GABRB2: variants seen among roughly 807,000 people sequenced by gnomAD.
The protein encoded by GABRB2 is gamma-aminobutyric acid type A receptor subunit beta2.
In GABRB2, 16 loss-of-function variants were observed where a neutral mutation model predicts 54.7. The observed-to-expected ratio is 0.29, with a 90% CI of 0.20 to 0.44. GABRB2 has a LOEUF of 0.44. Ranked by LOEUF, GABRB2 falls within the 20% of genes least tolerant of loss-of-function variation. The pLI is 1.00. For synonymous variants in GABRB2, 244 were observed against 233.8 expected, an observed-to-expected ratio of 1.04 and a Z score of -0.40; for missense variants, 355 against 644.0, an observed-to-expected ratio of 0.55 and a Z score of 4.86.
At chr5:161,351,833 A>C (rs1316762467) in intron 5 of GABRB2, among the ~76,000 whole-genome samples, 1 of 152,120 alleles carries the variant, frequency 6.6e-6, no homozygotes, top group African/African-American at 2.4e-5. Flanking sequence ...AAAATATATA[A>C]GGAACTCAAA....
chr5:161,465,835 A>G (rs1337648312), intron 3 of GABRB2, among the ~76,000 whole-genome samples: 2 of 152,148 alleles, frequency 1.3e-5, no homozygotes, highest in African/African-American at 4.8e-5. Flanking sequence ...GAGTTTCTGC[A>G]TAGTTTTTAC....
intron 5 of GABRB2, among the ~76,000 whole-genome samples, chr5:161,392,239 C>T (rs1223606459): frequency 6.6e-6 from 1 of 152,142 alleles, no homozygotes; most frequent in African/African-American, 2.4e-5. Context: ...AAGCTCATTT[C>T]TGTTAGGCAC....
At chr5:161,412,872 C>G (rs1393045418) in intron 4 of GABRB2, among the ~76,000 whole-genome samples, 1 of 152,160 alleles carries the variant, frequency 6.6e-6, no homozygotes, top group Admixed American at 6.5e-5. Context: ...TTCCTTCAAG[C>G]AGTCACCAAA....
chr5:161,532,450 C>T (rs773057056), intron 3 of GABRB2, among the ~76,000 whole-genome samples: 5 of 152,080 alleles, frequency 3.3e-5, no homozygotes, highest in South Asian at 4.1e-4. Flanking sequence ...ACTACCTGAA[C>T]GCCATCTCGG....
In GABRB2 at chr5:161,443,952, G is replaced by A. The variant is rs1757538827; in HGVS notation, c.458+15672C>T. 2.0e-5 allele frequency among the ~76,000 whole-genome samples: 3 copies of A among 152,102 alleles called. No individual in the cohort carries two copies. In the South Asian group the frequency reaches 6.2e-4, roughly 31 times the overall value. On this transcript the variant is annotated intron_variant, in intron 4 of 9. Transcript: ENST00000393959. ...TTAGCTAAGAAGAGCCAATTTGGGTGGGAAAAAGCATTTCTCATTATCACA... is the reference window on the plus strand; with the variant it reads ...TTAGCTAAGAAGAGCCAATTTGGGTAGGAAAAAGCATTTCTCATTATCACA...
chr5:161,372,174 A>T (rs1486186637), intron 5 of GABRB2, among the ~76,000 whole-genome samples: 1 of 152,118 alleles, frequency 6.6e-6, no homozygotes, highest in South Asian at 2.1e-4. Context: ...TTTATTTTTT[A>T]AAAAATTACT....
rs748189232 is a variant in GABRB2 at position 161,546,664 on chromosome 5, T to A, written c.-21A>T. ...CACATCCCTTTAGTTTTTGATGGAA[T>A]TGAGGGTTTCACTGAAGAGAGGAGA... is the stretch of plus-strand genomic sequence containing the variant. On this transcript the variant is annotated 5_prime_UTR_variant, in exon 1 of 10. Transcript: ENST00000393959. The A allele has an allele frequency of 3.9e-5, 61 of 1,576,254 alleles. 1 individual carries two copies. The South Asian group carries it at 6.0e-4, about 16-fold the overall frequency.
At chr5:161,532,069 T>G (rs945052546) in intron 3 of GABRB2, among the ~76,000 whole-genome samples, 7 of 152,086 alleles carry the variant, frequency 4.6e-5, no homozygotes, top group Non-Finnish European at 8.8e-5. Context: ...TAGCACATGG[T>G]AAGAGCTCAA....
intron 9 of GABRB2, among the ~76,000 whole-genome samples, chr5:161,299,005 G>A (rs1443410135): frequency 6.6e-6 from 1 of 152,122 alleles, no homozygotes; most frequent in East Asian, 1.9e-4. Flanking sequence ...GATAATCCCT[G>A]CAGCATTCCA....
At chr5:161,316,173 T>A (rs546731424) in intron 9 of GABRB2, among the ~76,000 whole-genome samples, 1 of 152,306 alleles carries the variant, frequency 6.6e-6, no homozygotes, top group Admixed American at 6.5e-5. Flanking sequence ...GATGATCACA[T>A]CCTTATTTTT....
At chr5:161,375,294 G>A (rs915283784) in intron 5 of GABRB2, among the ~76,000 whole-genome samples, 1 of 152,180 alleles carries the variant, frequency 6.6e-6, no homozygotes, top group Non-Finnish European at 1.5e-5. Context: ...ATAACAGTGA[G>A]TGTCGCTTAA....
At chr5:161,523,825 A>G (rs1276945183) in intron 3 of GABRB2, among the ~76,000 whole-genome samples, 2 of 151,462 alleles carry the variant, frequency 1.3e-5, no homozygotes, top group Admixed American at 1.3e-4. Flanking sequence ...CCTGCAGTAT[A>G]AAAGCTTCCA....
In GABRB2 at chr5:161,331,102, G is replaced by A; in HGVS notation, c.858C>T (p.Thr286=). The A allele has an allele frequency of 6.3e-7, 1 of 1,592,322 alleles. No individual in the cohort carries two copies. Among genetic ancestry groups the A allele is most frequent in the Non-Finnish European group, 8.6e-7 (1 of 1,167,028 alleles). The change falls in exon 8 of 10, where the codon ACC becomes ACT. Residue 286 remains threonine, a synonymous_variant. Transcript: ENST00000393959. ...TTTCCCGGAGGTGGGTGTTGATTGTGGTCATTGTGAGGACAGTTGTGATTC... is the reference window on the plus strand; with the variant it reads ...TTTCCCGGAGGTGGGTGTTGATTGTAGTCATTGTGAGGACAGTTGTGATTC... ...ALGITTVLTM[T]TINTHLRETL...
intron 5 of GABRB2, among the ~76,000 whole-genome samples, chr5:161,362,923 G>C (rs891407711): frequency 3.9e-5 from 6 of 152,176 alleles, no homozygotes; most frequent in African/African-American, 1.4e-4. Flanking sequence ...CTTTTACACT[G>C]TTGATGGGAG....
intron 5 of GABRB2, among the ~76,000 whole-genome samples, chr5:161,375,808 A>G (rs1755276233): frequency 6.6e-6 from 1 of 152,192 alleles, no homozygotes; most frequent in Non-Finnish European, 1.5e-5. Flanking sequence ...GGTGTTAGCT[A>G]TGATGTCAAT....
At chr5:161,505,079 A>G (rs1186074466) in intron 3 of GABRB2, among the ~76,000 whole-genome samples, 1 of 151,662 alleles carries the variant, frequency 6.6e-6, no homozygotes, top group African/African-American at 2.4e-5. Context: ...GAAGAGTCCA[A>G]CATTCTGAAG....
At position 161,291,508 on chromosome 5, in the gene GABRB2, T is replaced by C. The variant is rs1757236868; in HGVS notation, c.*2573A>G. The C allele has an allele frequency of 6.6e-6, 1 of 152,338 alleles. No homozygotes were observed. The highest frequency in any genetic ancestry group is 2.4e-5 in the African/African-American group (1 of 41,468). The allele number at this position is 152,338 out of a possible 1,614,324, so 9.4% of individuals were successfully genotyped here. ...GCTGAGTCAGTTGTTTCTATCTCTG[T>C]GGTTACTGAGTGCCAATGTATGCTT... On this transcript the variant is annotated 3_prime_UTR_variant, in exon 10 of 10. Coordinates refer to ENST00000393959, the MANE Select transcript of GABRB2 (RefSeq NM_001371727.1).
chr5:161,383,605 C>T (rs1325168798), intron 5 of GABRB2, among the ~76,000 whole-genome samples: 1 of 152,138 alleles, frequency 6.6e-6, no homozygotes, highest in Non-Finnish European at 1.5e-5. Flanking sequence ...ATCTCAAGTG[C>T]TCAATAGCCA....
intron 4 of GABRB2, among the ~76,000 whole-genome samples, chr5:161,457,350 A>C (rs1163311516): frequency 1.3e-5 from 2 of 152,202 alleles, no homozygotes; most frequent in Non-Finnish European, 2.9e-5. Flanking sequence ...TAATGATAAG[A>C]ATAACTTGTC....
Sources: allele counts gnomAD v4.1 joint callset (sites outside exome capture counted in the v4.1 genomes callset), GRCh38; gene constraint gnomAD v4.1.1; transcripts MANE v1.5; gene names NCBI Gene and HGNC (gene_info 2026-07-23, HGNC 2026-07-21).